The following GABRG3 variants were observed in gnomAD, a reference collection of about 807,000 sequenced individuals.
The protein encoded by GABRG3 is gamma-aminobutyric acid receptor subunit gamma-3.
A neutral mutation model predicts 48.8 loss-of-function variants in GABRG3; 25 were observed. That is an observed-to-expected ratio of 0.51 (90% confidence interval 0.37 to 0.72). The LOEUF is 0.72. Among genes scored for constraint, GABRG3 ranks in the 30% least tolerant of loss-of-function variants. GABRG3 has a pLI of 0.00. For missense variants in GABRG3, 394 were observed against 577.9 expected (o/e 0.68, Z 3.26); for synonymous variants, 227 against 217.6 (o/e 1.04, Z -0.38).
intron 2 of GABRG3, among the ~76,000 whole-genome samples, chr15:27,003,556 C>T (rs1165375106): frequency 1.3e-5 from 2 of 152,224 alleles, no homozygotes; most frequent in Non-Finnish European, 2.9e-5. Flanking sequence ...CACAGATCAA[C>T]AGGATCCCAA....
chr15:27,540,288 C>T lies in GABRG3; in HGVS notation c.*7407C>T, dbSNP rs1396610526. 1 of 151,972 alleles carries T rather than the reference C, an allele frequency of 6.6e-6. No individual in the cohort carries two copies. The highest frequency in any genetic ancestry group is 1.5e-5 in the Non-Finnish European group (1 of 67,988). 9.4% of individuals were successfully genotyped at this position (151,972 alleles called of 1,614,324 possible). The stretch of plus-strand genomic sequence containing the variant: ...TTCTCTCTTTTTTTTTCCGTTTTTA[C>T]CTTAGTTGGCTATTTTATTCCTTTT... On this transcript the variant is annotated 3_prime_UTR_variant, in exon 10 of 10. Coordinates refer to ENST00000615808, the MANE Select transcript of GABRG3 (RefSeq NM_033223.5).
At chr15:27,108,172 C>G (rs987140115) in intron 3 of GABRG3, among the ~76,000 whole-genome samples, 1 of 151,958 alleles carries the variant, frequency 6.6e-6, no homozygotes, top group Non-Finnish European at 1.5e-5. Flanking sequence ...TGATTCTTTT[C>G]TAATACATTT....
At chr15:27,106,038 T>G (rs2140367760) in intron 3 of GABRG3, among the ~76,000 whole-genome samples, 1 of 152,172 alleles carries the variant, frequency 6.6e-6, no homozygotes, top group Admixed American at 6.5e-5. Context: ...AAAGGAAAAG[T>G]TTGCATGATC....
At chr15:26,990,559 C>A (rs1895228978) in intron 2 of GABRG3, among the ~76,000 whole-genome samples, 1 of 152,076 alleles carries the variant, frequency 6.6e-6, no homozygotes, top group African/African-American at 2.4e-5. Flanking sequence ...CAAATATTTT[C>A]TCCCATCTGT....
At position 27,308,379 on chromosome 15, in the gene GABRG3, G is replaced by A. The variant is rs913379088; in HGVS notation, c.271-18430G>A. ...TTTATATATAAACATATAAACATTT[G>A]TTTATATATAAACATATAATATAAA... On this transcript the variant is annotated intron_variant, in intron 3 of 9. Transcript: ENST00000615808. Among the ~76,000 whole-genome samples, 4 of 136,208 alleles carry A rather than the reference G, an allele frequency of 2.9e-5. 1 individual carries two copies. The highest frequency in any genetic ancestry group is 7.4e-5 in the Admixed American group (1 of 13,482). The allele number at this position is 136,208 out of a possible 152,430, so 89.4% of individuals were successfully genotyped here.
intron 3 of GABRG3, among the ~76,000 whole-genome samples, chr15:27,279,833 C>A (rs945419607): frequency 1.3e-5 from 2 of 152,064 alleles, no homozygotes; most frequent in Non-Finnish European, 2.9e-5. Flanking sequence ...AACAGGTTAG[C>A]GTTATGATTA....
intron 5 of GABRG3, among the ~76,000 whole-genome samples, chr15:27,404,205 AG>A (rs990976861): frequency 1.3e-5 from 2 of 152,170 alleles, no homozygotes; most frequent in African/African-American, 4.8e-5. Flanking sequence ...TGGGCGACAG[AG>A]GGAGACTCCG....
At chr15:27,001,540 T>G (rs185385249) in intron 2 of GABRG3, among the ~76,000 whole-genome samples, 11 of 152,336 alleles carry the variant, frequency 7.2e-5, no homozygotes, top group African/African-American at 2.4e-4. Context: ...GACACTGAGT[T>G]TGAGGAACTA....
chr15:27,300,494 T>C (rs1892160334), intron 3 of GABRG3, among the ~76,000 whole-genome samples: 2 of 97,216 alleles, frequency 2.1e-5, no homozygotes, highest in Admixed American at 9.2e-5. Flanking sequence ...TGAAACCCCA[T>C]CTCTACTAAA....
At chr15:27,190,682 C>T (rs1223468372) in intron 3 of GABRG3, among the ~76,000 whole-genome samples, 3 of 151,756 alleles carry the variant, frequency 2.0e-5, no homozygotes, top group South Asian at 2.1e-4. Flanking sequence ...AACCAGCTCC[C>T]GGATTCATTA....
chr15:27,128,437 T>G (rs74004706), intron 3 of GABRG3, among the ~76,000 whole-genome samples: 3,294 of 152,232 alleles, frequency 0.022, 119 homozygotes, highest in African/African-American at 0.076. Flanking sequence ...GAAGGCTTAG[T>G]TTTGGGGAGA....
chr15:27,170,085 T>C (rs1422331005), intron 3 of GABRG3, among the ~76,000 whole-genome samples: 2 of 152,228 alleles, frequency 1.3e-5, no homozygotes, highest in African/African-American at 4.8e-5. Flanking sequence ...CTTCTTCAGA[T>C]TGAAGGAAAA....
In GABRG3 at chr15:27,534,012, A is replaced by AT. The variant is rs1284896261; in HGVS notation, c.*1136dup. ...GCTACCACACCCGGCTAATTTTTGT[A>AT]TTTTTGTTTTTTGTTTTTTGGGTTT... On this transcript the variant is annotated 3_prime_UTR_variant, in exon 10 of 10. Transcript: ENST00000615808. The AT allele has an allele frequency of 6.6e-6, 1 of 151,366 alleles. No homozygotes were observed. Among genetic ancestry groups the AT allele is most frequent in the Non-Finnish European group, 1.5e-5 (1 of 67,864 alleles). 9.4% of individuals were successfully genotyped at this position (151,366 alleles called of 1,614,324 possible).
intron 3 of GABRG3, among the ~76,000 whole-genome samples, chr15:27,192,992 GT>G (rs1396865118): frequency 1.3e-5 from 2 of 152,140 alleles, no homozygotes; most frequent in Non-Finnish European, 2.9e-5. Flanking sequence ...TCCAGACCCT[GT>G]TTGCCTGGGT....
In GABRG3 at chr15:27,135,356, A is replaced by G. The variant is rs143594172; in HGVS notation, c.270+108535A>G. 2.9e-3 allele frequency among the ~76,000 whole-genome samples: 437 copies of G among 152,286 alleles called. 2 individuals are homozygous for G. The highest frequency in any genetic ancestry group is 9.9e-3 in the African/African-American group (411 of 41,562). Reference sequence around the variant, plus strand: ...TTCTTTGAATGAACATATGAGGGCTAATTTCCTAAGTGGCTGTTCTTATGT... The same window carrying G: ...TTCTTTGAATGAACATATGAGGGCTGATTTCCTAAGTGGCTGTTCTTATGT... On this transcript the variant is annotated intron_variant, in intron 3 of 9. Coordinates refer to ENST00000615808, the MANE Select transcript of GABRG3 (RefSeq NM_033223.5).
At chr15:27,297,732 C>G (rs1892047395) in intron 3 of GABRG3, among the ~76,000 whole-genome samples, 1 of 152,024 alleles carries the variant, frequency 6.6e-6, no homozygotes, top group African/African-American at 2.4e-5. Flanking sequence ...GCTTTCCTTT[C>G]TTCTTTCAGA....
Position 27,291,213 on chromosome 15 carries a change from T to G in GABRG3, c.271-35596T>G, listed in dbSNP as rs140221582. 2.4e-3 allele frequency among the ~76,000 whole-genome samples: 361 copies of G among 152,350 alleles called. 7 individuals carry two copies. The highest frequency in any genetic ancestry group is 0.022 in the Admixed American group (331 of 15,308). On this transcript the variant is annotated intron_variant, in intron 3 of 9. Coordinates refer to ENST00000615808, the MANE Select transcript of GABRG3 (RefSeq NM_033223.5). The stretch of plus-strand genomic sequence containing the variant: ...CATTTCCAAGATGTTCAGCAACATT[T>G]CATAACTGAGTATTCTAAAGTTAGA...
At chr15:27,443,868 T>C (rs1057126075) in intron 5 of GABRG3, among the ~76,000 whole-genome samples, 1 of 152,212 alleles carries the variant, frequency 6.6e-6, no homozygotes, top group Non-Finnish European at 1.5e-5. Flanking sequence ...GTGTCAAATT[T>C]TGGGAAATGC....
At chr15:27,139,664 A>G (rs561505862) in intron 3 of GABRG3, among the ~76,000 whole-genome samples, 1 of 152,306 alleles carries the variant, frequency 6.6e-6, no homozygotes, top group African/African-American at 2.4e-5. Context: ...TTGTGATACT[A>G]TAAAACATAT....
Sources: allele counts gnomAD v4.1 joint callset (sites outside exome capture counted in the v4.1 genomes callset), GRCh38; gene constraint gnomAD v4.1.1; transcripts MANE v1.5; gene names NCBI Gene and HGNC (gene_info 2026-07-23, HGNC 2026-07-21).